Variants in PDE4D observed in about 807,000 individuals in gnomAD.
PDE4D encodes the protein 3',5'-cyclic-AMP phosphodiesterase 4D.
Under a neutral mutation model 87.4 loss-of-function variants are expected in PDE4D, and 24 were observed. The ratio of observed to expected loss-of-function variants is 0.27; its 90% CI spans 0.20 to 0.39. The LOEUF (loss-of-function observed/expected upper bound fraction) is 0.39. PDE4D is among the 10% of genes least tolerant of loss of function. The pLI, the probability that PDE4D is intolerant of heterozygous loss-of-function variation, is 1.00. For missense variants in PDE4D, 714 were observed against 1,041.0 expected, an observed-to-expected ratio of 0.69 and a Z score of 4.32; for synonymous variants, 384 against 383.2, an observed-to-expected ratio of 1.00 and a Z score of -0.02.
chr5:59,526,303 G>A (rs2153676725), intron 1 of PDE4D, among the ~76,000 whole-genome samples: 1 of 152,260 alleles, frequency 6.6e-6, no homozygotes, highest in African/African-American at 2.4e-5. Flanking sequence ...AAATGCCTAT[G>A]GTTCTCTGCA....
chr5:59,086,288 C>T (rs1423062829), intron 5 of PDE4D, among the ~76,000 whole-genome samples: 2 of 152,104 alleles, frequency 1.3e-5, no homozygotes, highest in Non-Finnish European at 2.9e-5. Context: ...TATAACATTT[C>T]CTCACCCAGA....
intron 5 of PDE4D, chr5:59,179,819 C>A: frequency 3.4e-6 from 1 of 295,376 alleles, no homozygotes; most frequent in Non-Finnish European, 6.6e-6. Context: ...GTTTTCTTTT[C>A]CAGGCAATTA....
chr5:60,134,110 A>G (rs1240578907), intron 2 of PDE4D, among the ~76,000 whole-genome samples: 1 of 152,236 alleles, frequency 6.6e-6, no homozygotes, highest in Non-Finnish European at 1.5e-5. Context: ...ATGCACATAT[A>G]TAACTATACC....
chr5:59,612,491 G>A (rs1324200380), intron 1 of PDE4D, among the ~76,000 whole-genome samples: 6 of 152,176 alleles, frequency 3.9e-5, no homozygotes, highest in African/African-American at 1.4e-4. Context: ...CATATGCTAA[G>A]AACAACTCTA....
At chr5:59,963,562 A>ACAGTTTCCTTATC (rs113058201) in intron 3 of PDE4D, among the ~76,000 whole-genome samples, 2 of 151,768 alleles carry the variant, frequency 1.3e-5, no homozygotes, top group African/African-American at 4.8e-5. Flanking sequence ...CTTCTGAAGC[A>ACAGTTTCCTTATC]CTAAGTTAAC....
At chr5:60,226,360 A>G (rs1745102442) in intron 1 of PDE4D, among the ~76,000 whole-genome samples, 2 of 152,116 alleles carry the variant, frequency 1.3e-5, no homozygotes, top group South Asian at 4.1e-4. Flanking sequence ...TAGAACTATA[A>G]TATTACAGTG....
intron 1 of PDE4D, among the ~76,000 whole-genome samples, chr5:59,729,157 T>G (rs561220571): frequency 6.6e-6 from 1 of 152,250 alleles, no homozygotes; most frequent in African/African-American, 2.4e-5. Context: ...GGAAGCATCT[T>G]GGCCTGACAC....
intron 2 of PDE4D, among the ~76,000 whole-genome samples, chr5:60,097,911 G>A (rs1191689551): frequency 1.3e-5 from 2 of 151,960 alleles, no homozygotes; most frequent in Non-Finnish European, 2.9e-5. Flanking sequence ...AAAAGAGACT[G>A]GAAAACTCTT....
At chr5:60,425,085 T>C (rs947206406) in intron 1 of PDE4D, among the ~76,000 whole-genome samples, 2 of 152,074 alleles carry the variant, frequency 1.3e-5, no homozygotes, top group Non-Finnish European at 2.9e-5. Flanking sequence ...GAAGAATCAA[T>C]ATTGTGAAAA....
intron 3 of PDE4D, among the ~76,000 whole-genome samples, chr5:59,938,038 A>T (rs1313761363): frequency 3.9e-5 from 6 of 152,206 alleles, no homozygotes; most frequent in Non-Finnish European, 8.8e-5. Flanking sequence ...TCTGTTTTCT[A>T]TTAGTGGAAC....
chr5:59,383,243 C>T (rs1276850758), intron 1 of PDE4D, among the ~76,000 whole-genome samples: 15 of 152,086 alleles, frequency 9.9e-5, no homozygotes, highest in African/African-American at 3.6e-4. Flanking sequence ...CATGATGCCC[C>T]CTATTATGTC....
intron 1 of PDE4D, among the ~76,000 whole-genome samples, chr5:59,827,182 A>G (rs1770429474): frequency 6.6e-6 from 1 of 152,062 alleles, no homozygotes; most frequent in Admixed American, 6.6e-5. Flanking sequence ...GGTGAGCAAT[A>G]GTAGTTAAGA....
intron 3 of PDE4D, among the ~76,000 whole-genome samples, chr5:59,925,830 T>C (rs1384150508): frequency 1.3e-5 from 2 of 152,170 alleles, no homozygotes; most frequent in East Asian, 3.8e-4. Flanking sequence ...ATTGTAAATA[T>C]ATATGCACTC....
chr5:60,089,179 T>A (rs1774843288), intron 2 of PDE4D, among the ~76,000 whole-genome samples: 1 of 151,984 alleles, frequency 6.6e-6, no homozygotes. Flanking sequence ...AACTTTACTC[T>A]AGATCAAATT....
intron 1 of PDE4D, among the ~76,000 whole-genome samples, chr5:59,265,763 T>C (rs187931043): frequency 1.3e-5 from 2 of 152,180 alleles, no homozygotes; most frequent in Admixed American, 1.3e-4. Flanking sequence ...TAGGCCTCAG[T>C]CTGAGGAATA....
chr5:59,242,833 T>A (rs1335366648), intron 1 of PDE4D, among the ~76,000 whole-genome samples: 1 of 152,168 alleles, frequency 6.6e-6, no homozygotes, highest in African/African-American at 2.4e-5. Flanking sequence ...TATGGACAGA[T>A]GTAGAGCCAG....
At chr5:60,003,423 G>T (rs977349830) in intron 2 of PDE4D, among the ~76,000 whole-genome samples, 3 of 152,062 alleles carry the variant, frequency 2.0e-5, no homozygotes, top group Admixed American at 2.0e-4. Flanking sequence ...TCCTAAGAAA[G>T]AAGAATGGCT....
In PDE4D at chr5:59,038,886, G is replaced by A. The variant is rs1273836585; in HGVS notation, c.894C>T (p.His298=). The A allele has an allele frequency of 1.3e-6, 2 of 1,588,450 alleles. No individual in the cohort carries two copies. The highest frequency in any genetic ancestry group is 1.4e-5 in the African/African-American group (1 of 73,730). ...TGTTGGAGGCCATCTCACTGACGGA[G>A]TGCCTGGTCTGTAGGGTCTCTAGCT... The part of the protein sequence containing the change: ...LDQLETLQTR[H]SVSEMASNKF... Residue 298 remains histidine, a synonymous_variant, in exon 6 of 15, where the codon CAC becomes CAT. Coordinates refer to ENST00000340635, the MANE Select transcript of PDE4D (RefSeq NM_001104631.2).
In PDE4D at chr5:59,823,404, TGCCTGC is replaced by T. The variant is rs1182426238; in HGVS notation, c.455+69758_455+69763del. ...GTGATGCTTTTAGTTTATCTCCAAC[TGCCTGC>T]AGAATGCAAGAATGGAGGGAAGGAC... On this transcript the variant is annotated intron_variant, in intron 1 of 14. Transcript: ENST00000340635. Among the ~76,000 whole-genome samples the T allele has an allele frequency of 5.3e-5, 8 of 152,290 alleles. No individual in the cohort carries two copies. The East Asian group carries it at 1.4e-3, about 26-fold the overall frequency.
Sources: allele counts gnomAD v4.1 joint callset (sites outside exome capture counted in the v4.1 genomes callset), GRCh38; gene constraint gnomAD v4.1.1; transcripts MANE v1.5; gene names NCBI Gene and HGNC (gene_info 2026-07-23, HGNC 2026-07-21).